EPHB1: variants seen among roughly 807,000 people sequenced by gnomAD.
EPHB1 encodes the protein ephrin type-B receptor 1.
A neutral mutation model predicts 94.4 loss-of-function variants in EPHB1; 30 were observed. That is an observed-to-expected ratio of 0.32 (90% CI 0.24 to 0.43). EPHB1 has a LOEUF of 0.43. Ranked by LOEUF, EPHB1 falls within the 20% of genes least tolerant of loss-of-function variation. EPHB1 has a pLI of 1.00. For missense variants in EPHB1, 1,055 were observed against 1,308.3 expected (o/e 0.81, Z 2.99); for synonymous variants, 522 against 489.1 (o/e 1.07, Z -0.89).
intron 13 of EPHB1, among the ~76,000 whole-genome samples, chr3:135,243,226 TTC>T: frequency 6.6e-6 from 1 of 152,332 alleles, no homozygotes; most frequent in South Asian, 2.1e-4. Context: ...TCAAGATATT[TTC>T]TGTCAATGCT....
chr3:134,918,805 C>T lies in EPHB1; in HGVS notation c.59-7011C>T, dbSNP rs1323154059. 4.6e-5 allele frequency among the ~76,000 whole-genome samples: 7 copies of T among 152,342 alleles called. No homozygotes were observed. The East Asian group carries it at 1.3e-3, about 29-fold the overall frequency. ...CAGATAATGATGCAATGAATACCTT[C>T]ATGATATAGGGCTTTTTGTTTACTT... On this transcript the variant is annotated intron_variant, in intron 1 of 15. Transcript: ENST00000398015.
At chr3:134,956,089 A>C (rs1933258357) in intron 3 of EPHB1, among the ~76,000 whole-genome samples, 1 of 152,060 alleles carries the variant, frequency 6.6e-6, no homozygotes, top group Admixed American at 6.6e-5. Context: ...GCAGGGAGGA[A>C]GGGGAGGAGG....
intron 12 of EPHB1, among the ~76,000 whole-genome samples, chr3:135,217,643 G>A (rs1943186299): frequency 6.6e-6 from 1 of 152,112 alleles, no homozygotes; most frequent in Non-Finnish European, 1.5e-5. Flanking sequence ...TTCCGAGTAG[G>A]CACCAGGTAA....
intron 1 of EPHB1, among the ~76,000 whole-genome samples, chr3:134,819,386 G>T (rs1343605929): frequency 6.6e-6 from 1 of 152,118 alleles, no homozygotes; most frequent in Non-Finnish European, 1.5e-5. Context: ...GAGGCAGAAG[G>T]GTGCCCATGT....
intron 3 of EPHB1, among the ~76,000 whole-genome samples, chr3:134,969,489 CAG>C (rs558148833): frequency 5.0e-4 from 76 of 152,288 alleles, no homozygotes; most frequent in African/African-American, 1.3e-3. Flanking sequence ...CTGGTCCACA[CAG>C]GGGAGAGCCA....
chr3:135,004,796 G>GT (rs967769576), intron 3 of EPHB1, among the ~76,000 whole-genome samples: 1 of 151,838 alleles, frequency 6.6e-6, no homozygotes, highest in African/African-American at 2.4e-5. Context: ...TCGAGCCTTG[G>GT]TTTTCAGCTC....
chr3:134,832,636 T>C (rs2036600309), intron 1 of EPHB1, among the ~76,000 whole-genome samples: 1 of 152,252 alleles, frequency 6.6e-6, no homozygotes, highest in Non-Finnish European at 1.5e-5. Context: ...TCCATCATTG[T>C]CAATGGAAAA....
intron 1 of EPHB1, among the ~76,000 whole-genome samples, chr3:134,808,580 G>C (rs921319002): frequency 8.5e-5 from 13 of 152,172 alleles, no homozygotes; most frequent in Non-Finnish European, 1.9e-4. Context: ...AAGAGAGATG[G>C]TATGTCCAAT....
chr3:134,980,804 A>G (rs757498913), intron 3 of EPHB1, among the ~76,000 whole-genome samples: 5 of 152,188 alleles, frequency 3.3e-5, no homozygotes, highest in East Asian at 3.8e-4. Context: ...CTTAAGTATT[A>G]TATGGCTTGA....
intron 1 of EPHB1, among the ~76,000 whole-genome samples, chr3:134,842,988 A>AT (rs1000194814): frequency 2.6e-5 from 4 of 151,762 alleles, no homozygotes; most frequent in African/African-American, 4.8e-5. Flanking sequence ...AGTGCTTTTC[A>AT]TTTTTTTTCC....
At chr3:135,185,512 G>C (rs875369) in intron 10 of EPHB1, among the ~76,000 whole-genome samples, 66,946 of 152,124 alleles carry the variant, frequency 0.44, 15,166 homozygotes, top group East Asian at 0.7. Context: ...TCTTATTTAA[G>C]TCTCTTATTG....
intron 9 of EPHB1, among the ~76,000 whole-genome samples, chr3:135,167,816 G>C (rs1437131038): frequency 1.3e-5 from 2 of 152,198 alleles, no homozygotes; most frequent in African/African-American, 4.8e-5. Flanking sequence ...GCTATGCTCT[G>C]TCAAGGCTTC....
At chr3:135,163,391 C>A (rs905047) in intron 7 of EPHB1, among the ~76,000 whole-genome samples, 115,398 of 152,082 alleles carry the variant, frequency 0.76, 44,093 homozygotes, top group East Asian at 1. Context: ...TTGATGTGAA[C>A]CGTCTGGCCC....
chr3:134,980,605 G>C (rs1025066171), intron 3 of EPHB1, among the ~76,000 whole-genome samples: 3 of 152,190 alleles, frequency 2.0e-5, no homozygotes, highest in African/African-American at 7.2e-5. Flanking sequence ...AGAGAGAATT[G>C]CTAGCAATGG....
chr3:135,112,479 G>GCA (rs1939489467), intron 4 of EPHB1, among the ~76,000 whole-genome samples: 3 of 151,918 alleles, frequency 2.0e-5, no homozygotes, highest in African/African-American at 7.2e-5. Flanking sequence ...ATGTTGGTCT[G>GCA]CTGCACCCAT....
chr3:134,956,634 T>C (rs893451200), intron 3 of EPHB1, among the ~76,000 whole-genome samples: 3 of 152,122 alleles, frequency 2.0e-5, no homozygotes, highest in Non-Finnish European at 2.9e-5. Context: ...GTTTTAGTCT[T>C]GGCTCTGCTG....
At chr3:135,239,031 T>C (rs1329969010) in intron 12 of EPHB1, among the ~76,000 whole-genome samples, 1 of 152,228 alleles carries the variant, frequency 6.6e-6, no homozygotes, top group African/African-American at 2.4e-5. Flanking sequence ...ATTCATGTTC[T>C]GGGGGATGAT....
At chr3:134,795,727 C>T (rs1345142593) in intron 1 of EPHB1, 38 bp downstream of exon 1, 1 of 1,601,052 alleles carries the variant, frequency 6.2e-7, no homozygotes, top group Non-Finnish European at 8.5e-7. Context: ...GCTGCTGGTG[C>T]CGGCCGCCTT....
At chr3:135,234,762 C>A (rs1259111779) in intron 12 of EPHB1, among the ~76,000 whole-genome samples, 1 of 152,160 alleles carries the variant, frequency 6.6e-6, no homozygotes, top group South Asian at 2.1e-4. Flanking sequence ...GGGGAAAAAG[C>A]CCCTTATAGA....
Sources: gnomAD v4.1 joint callset for allele counts (sites outside exome capture counted in the v4.1 genomes callset) on GRCh38, gnomAD v4.1.1 for gene constraint, MANE v1.5 for transcripts, NCBI Gene and HGNC (gene_info 2026-07-23, HGNC 2026-07-21) for gene names.